SHISA9: variants seen among roughly 807,000 people sequenced by gnomAD.
The protein encoded by SHISA9 is shisa family member 9, also known as protein shisa-9.
Under a neutral mutation model 38.0 loss-of-function variants are expected in SHISA9, and 13 were observed. The ratio of observed to expected loss-of-function variants is 0.34; its 90% confidence interval spans 0.22 to 0.54. The LOEUF is 0.54. Among genes scored for constraint, SHISA9 ranks in the 20% least tolerant of loss-of-function variants. The pLI is 0.91. For synonymous variants in SHISA9, 275 were observed against 242.0 expected (o/e 1.14, Z -1.27); for missense variants, 538 against 575.8 (o/e 0.93, Z 0.67).
At chr16:13,102,435 G>A (rs2073887861) in intron 2 of SHISA9, among the ~76,000 whole-genome samples, 1 of 152,110 alleles carries the variant, frequency 6.6e-6, no homozygotes, top group African/African-American at 2.4e-5. Context: ...TCACCGCGTG[G>A]CCCAGGAGGT....
At chr16:13,530,936 T>C in the SHISA9 span, among the ~76,000 whole-genome samples, 1 of 152,196 alleles carries the variant, frequency 6.6e-6, no homozygotes, top group Non-Finnish European at 1.5e-5. Context: ...TCTCTTCCAT[T>C]TCTGAATGTT....
At chr16:13,146,605 C>T (rs1655001741) in intron 2 of SHISA9, among the ~76,000 whole-genome samples, 1 of 152,076 alleles carries the variant, frequency 6.6e-6, no homozygotes, top group Non-Finnish European at 1.5e-5. Flanking sequence ...CTTTTAAAGC[C>T]AACATTTATT....
At position 13,203,842 on chromosome 16, in the gene SHISA9, A is replaced by G. The variant is rs60128056; in HGVS notation, c.847+293A>G. Among the ~76,000 whole-genome samples, 188 of 152,042 alleles carry G rather than the reference A, an allele frequency of 1.2e-3. 1 individual carries two copies. The highest frequency in any genetic ancestry group is 4.4e-3 in the African/African-American group (181 of 41,456). Reference sequence around the variant, plus strand: ...CACTTATCCATCTACCTACCTACATATGTATTATCTATCTGTCTGTCCATC... The same window carrying G: ...CACTTATCCATCTACCTACCTACATGTGTATTATCTATCTGTCTGTCCATC... On this transcript the variant is annotated intron_variant, in intron 3 of 4. Coordinates refer to ENST00000558583, the MANE Select transcript of SHISA9 (RefSeq NM_001145204.3).
At chr16:13,150,045 A>T (rs868371844) in intron 2 of SHISA9, among the ~76,000 whole-genome samples, 2 of 149,706 alleles carry the variant, frequency 1.3e-5, no homozygotes, top group African/African-American at 4.9e-5. Context: ...AAAAAAAAAA[A>T]AAAAAAAAAA....
chr16:13,451,513 G>A, the SHISA9 span, among the ~76,000 whole-genome samples: 5 of 152,182 alleles, frequency 3.3e-5, no homozygotes, highest in African/African-American at 1.2e-4. Context: ...AGAATAAGGT[G>A]GAGGGATTAC....
At chr16:13,405,857 C>G in the SHISA9 span, among the ~76,000 whole-genome samples, 2 of 149,606 alleles carry the variant, frequency 1.3e-5, no homozygotes, top group African/African-American at 4.9e-5. Context: ...ACCACATATT[C>G]TTTATCTGGT....
intron 2 of SHISA9, among the ~76,000 whole-genome samples, 184 bp downstream of exon 2, chr16:12,916,999 C>T (rs2071267477): frequency 1.3e-5 from 2 of 152,164 alleles, no homozygotes; most frequent in Admixed American, 6.5e-5. Flanking sequence ...TGGTTGCTTT[C>T]TTTGTTAAAT....
At chr16:13,212,940 A>G (rs2051134521) in intron 3 of SHISA9, among the ~76,000 whole-genome samples, 1 of 152,246 alleles carries the variant, frequency 6.6e-6, no homozygotes, top group African/African-American at 2.4e-5. Flanking sequence ...GTTGAAATTT[A>G]CAGCCAGATT....
chr16:13,054,865 G>A lies in SHISA9; in HGVS notation c.691+138050G>A, dbSNP rs139977806. ...AAATTTCCACGCTGTCTCCTGCCAC[G>A]GGGCCTTTGCACATGCTATCCCCAC... On this transcript the variant is annotated intron_variant, in intron 2 of 4. Transcript: ENST00000558583. 5.9e-5 allele frequency among the ~76,000 whole-genome samples: 9 copies of A among 152,210 alleles called. No homozygotes were observed. The East Asian group carries it at 1.2e-3, about 20-fold the overall frequency.
chr16:13,268,146 G>T, the SHISA9 span, among the ~76,000 whole-genome samples: 1 of 152,006 alleles, frequency 6.6e-6, no homozygotes, highest in African/African-American at 2.4e-5. Context: ...CAATGTTTTT[G>T]TGATAGACAC....
intron 4 of SHISA9, among the ~76,000 whole-genome samples, chr16:13,216,673 G>C (rs2051172396): frequency 6.6e-6 from 1 of 152,184 alleles, no homozygotes; most frequent in Admixed American, 6.5e-5. Context: ...TAGAGGTGCA[G>C]ATGTCACTGG....
At chr16:13,372,994 G>C in the SHISA9 span, among the ~76,000 whole-genome samples, 20 of 152,210 alleles carry the variant, frequency 1.3e-4, no homozygotes, top group East Asian at 3.7e-3. Context: ...AAAATAGTAA[G>C]TTTTTTTCAT....
chr16:12,964,219 A>C (rs1221016982), intron 2 of SHISA9, among the ~76,000 whole-genome samples: 1 of 152,166 alleles, frequency 6.6e-6, no homozygotes, highest in Admixed American at 6.5e-5. Flanking sequence ...AGGAAACAAG[A>C]ATGTGTCCAC....
At chr16:12,923,250 C>T (rs368331716) in intron 2 of SHISA9, among the ~76,000 whole-genome samples, 1 of 152,176 alleles carries the variant, frequency 6.6e-6, no homozygotes, top group African/African-American at 2.4e-5. Context: ...GGAGATGGGG[C>T]CAGGTGCAGT....
At chr16:13,411,319 A>C in the SHISA9 span, among the ~76,000 whole-genome samples, 13 of 152,246 alleles carry the variant, frequency 8.5e-5, no homozygotes, top group Non-Finnish European at 1.9e-4. Flanking sequence ...TAGACTCTGC[A>C]AGAAGCTCTG....
At chr16:13,136,328 G>C (rs2050347631) in intron 2 of SHISA9, among the ~76,000 whole-genome samples, 1 of 151,812 alleles carries the variant, frequency 6.6e-6, no homozygotes, top group Non-Finnish European at 1.5e-5. Flanking sequence ...TCACATAGTA[G>C]GGGCTCAGTA....
chr16:13,416,216 A>G, the SHISA9 span, among the ~76,000 whole-genome samples: 1 of 152,236 alleles, frequency 6.6e-6, no homozygotes, highest in African/African-American at 2.4e-5. Flanking sequence ...GTTATAAATG[A>G]TAACAGTAGT....
At chr16:12,970,231 G>A (rs976566877) in intron 2 of SHISA9, among the ~76,000 whole-genome samples, 1 of 145,822 alleles carries the variant, frequency 6.9e-6, no homozygotes, top group African/African-American at 2.5e-5. Context: ...TTACATGGAT[G>A]TATTGTGTAG....
chr16:12,908,182 T>C (rs2071129081), intron 1 of SHISA9, among the ~76,000 whole-genome samples: 1 of 152,158 alleles, frequency 6.6e-6, no homozygotes. Flanking sequence ...TTACCTCTTG[T>C]CTACTGAAGA....
Sources: allele counts gnomAD v4.1 joint callset (sites outside exome capture counted in the v4.1 genomes callset), GRCh38; gene constraint gnomAD v4.1.1; transcripts MANE v1.5; gene names NCBI Gene and HGNC (gene_info 2026-07-23, HGNC 2026-07-21).